The following SGCG variants were observed in gnomAD, a reference collection of about 807,000 sequenced individuals.
SGCG encodes the protein sarcoglycan gamma, also known as gamma-sarcoglycan.
SGCG carries 26 observed loss-of-function variants against 29.3 expected under a neutral mutation model. The ratio of observed to expected loss-of-function variants is 0.89; its 90% CI spans 0.65 to 1.23. The LOEUF is 1.23. SGCG is among the 50% of genes most tolerant of loss of function. SGCG has a pLI of 0.00. For synonymous variants in SGCG, 145 were observed against 129.7 expected (o/e 1.12, Z -0.80); for missense variants, 353 against 356.0 (o/e 0.99, Z 0.07).
intron 2 of SGCG, among the ~76,000 whole-genome samples, chr13:23,209,040 G>T (rs1212458933): frequency 6.6e-6 from 1 of 152,030 alleles, no homozygotes; most frequent in Non-Finnish European, 1.5e-5. Context: ...TATCATGAAG[G>T]TAAGATGAAT....
upstream of SGCG, among the ~76,000 whole-genome samples, chr13:23,179,707 C>T (rs1174853230): frequency 6.6e-6 from 1 of 152,096 alleles, no homozygotes; most frequent in Admixed American, 6.6e-5. Flanking sequence ...TTATTTGAAG[C>T]TGTATCAGCT....
In SGCG at chr13:23,295,539, G is replaced by T. The variant is rs373435856; in HGVS notation, c.578+52G>T. The stretch of plus-strand genomic sequence containing the variant: ...AACCTCTCCTGTAGAAGACAAGAGG[G>T]TATGTGCTGGAATAATGTTAGCAGT... On this transcript the variant is annotated intron_variant, in intron 6 of 7. Coordinates refer to ENST00000218867, the MANE Select transcript of SGCG (RefSeq NM_000231.3). 10 of 1,213,456 alleles carry T rather than the reference G, an allele frequency of 8.2e-6. No homozygotes were observed. The African/African-American group carries it at 8.9e-5, about 11-fold the overall frequency. The allele number at this position is 1,213,456 out of a possible 1,614,324, so 75.2% of individuals were successfully genotyped here.
chr13:23,303,771 A>G (rs1882263112), intron 6 of SGCG, among the ~76,000 whole-genome samples: 1 of 152,220 alleles, frequency 6.6e-6, no homozygotes, highest in Admixed American at 6.5e-5. Flanking sequence ...AGAGGAATCC[A>G]TGGGTGAAAA....
At chr13:23,168,759 A>G in the SGCG span, among the ~76,000 whole-genome samples, 2 of 152,240 alleles carry the variant, frequency 1.3e-5, no homozygotes, top group Non-Finnish European at 1.5e-5. Context: ...ATAATCATTG[A>G]TAACAATTAT....
the SGCG span, among the ~76,000 whole-genome samples, chr13:23,175,860 T>G: frequency 2.6e-5 from 4 of 152,252 alleles, no homozygotes; most frequent in East Asian, 7.7e-4. Flanking sequence ...CACTGTGTGA[T>G]TCCTATTGAT....
At chr13:23,248,620 G>C (rs187923200) in intron 3 of SGCG, among the ~76,000 whole-genome samples, 2,647 of 151,100 alleles carry the variant, frequency 0.018, 66 homozygotes, top group African/African-American at 0.061. Context: ...CGGGAACCCG[G>C]GAGGCGGAGC....
intron 6 of SGCG, among the ~76,000 whole-genome samples, chr13:23,298,479 TAGG>T (rs1389036457): frequency 6.6e-6 from 1 of 152,190 alleles, no homozygotes; most frequent in African/African-American, 2.4e-5. Flanking sequence ...CAAAAGCAAA[TAGG>T]AGTTCAATTT....
At position 23,275,841 on chromosome 13, in the gene SGCG, C is replaced by CT. The variant is rs1032758767; in HGVS notation, c.386-3511dup. Among the ~76,000 whole-genome samples the CT allele has an allele frequency of 7.1e-4, 108 of 152,338 alleles. 3 individuals carry two copies. In the South Asian group the frequency reaches 0.02, roughly 29 times the overall value. ...TTTGCAACAGCAGAATATACGTTTC[C>CT]TTTTTTTAAAAGGACTTTGCAATAT... On this transcript the variant is annotated intron_variant, in intron 4 of 7. Coordinates refer to ENST00000218867, the MANE Select transcript of SGCG (RefSeq NM_000231.3).
intron 7 of SGCG, 84 bp from the exon 8 acceptor site, chr13:23,324,284 T>C: frequency 2.3e-6 from 3 of 1,317,474 alleles, no homozygotes; most frequent in Admixed American, 1.7e-5. Flanking sequence ...AAGAAACTAA[T>C]TGGAAATCTT....
intron 6 of SGCG, among the ~76,000 whole-genome samples, chr13:23,308,384 T>C (rs554781677): frequency 6.6e-6 from 1 of 152,320 alleles, no homozygotes; most frequent in South Asian, 2.1e-4. Context: ...CGTAATGCTA[T>C]TTTTGTCATA....
intron 2 of SGCG, among the ~76,000 whole-genome samples, chr13:23,211,568 G>A (rs1465191993): frequency 6.6e-6 from 1 of 152,138 alleles, no homozygotes; most frequent in Non-Finnish European, 1.5e-5. Context: ...AGTTCTGCCT[G>A]TGGGAATTGG....
chr13:23,251,630 A>G (rs1879972058), intron 4 of SGCG, among the ~76,000 whole-genome samples: 1 of 152,064 alleles, frequency 6.6e-6, no homozygotes, highest in African/African-American at 2.4e-5. Context: ...AAAATTAGCC[A>G]GGTGTGGTGG....
chr13:23,188,299 C>A (rs1877074240), intron 1 of SGCG, among the ~76,000 whole-genome samples: 1 of 123,026 alleles, frequency 8.1e-6, no homozygotes, highest in Non-Finnish European at 1.7e-5. Context: ...CTGAACACAT[C>A]TTTTACTAAG....
intron 6 of SGCG, among the ~76,000 whole-genome samples, chr13:23,307,277 A>G (rs556258051): frequency 1.3e-5 from 2 of 152,314 alleles, no homozygotes; most frequent in Admixed American, 6.5e-5. Context: ...TATCTGAGTG[A>G]CATTAGTTAC....
intron 2 of SGCG, among the ~76,000 whole-genome samples, chr13:23,234,073 T>C (rs1468554302): frequency 6.6e-6 from 1 of 152,210 alleles, no homozygotes; most frequent in Non-Finnish European, 1.5e-5. Context: ...TTCATGACTG[T>C]AAACTCCTTG....
chr13:23,177,748 T>C (rs990394714), upstream of SGCG, among the ~76,000 whole-genome samples: 1 of 146,296 alleles, frequency 6.8e-6, no homozygotes, highest in Admixed American at 6.9e-5. Context: ...TTTTTTTTTT[T>C]CTGTATTTTT....
chr13:23,188,622 G>A (rs1196391762), intron 1 of SGCG, among the ~76,000 whole-genome samples: 1 of 151,726 alleles, frequency 6.6e-6, no homozygotes, highest in Non-Finnish European at 1.5e-5. Flanking sequence ...CCCAGCCTAA[G>A]AAGGCTTTTA....
At chr13:23,317,283 G>A (rs563051237) in intron 6 of SGCG, among the ~76,000 whole-genome samples, 7 of 152,314 alleles carry the variant, frequency 4.6e-5, no homozygotes, top group Admixed American at 3.9e-4. Context: ...GCATCTCTTA[G>A]TATTACCATG....
intron 5 of SGCG, among the ~76,000 whole-genome samples, chr13:23,281,219 G>C (rs1286199907): frequency 6.6e-6 from 1 of 151,772 alleles, no homozygotes; most frequent in Non-Finnish European, 1.5e-5. Flanking sequence ...GCGTGCCTGT[G>C]GTCCCAGCTA....
Sources: gnomAD v4.1 joint callset for allele counts (sites outside exome capture counted in the v4.1 genomes callset) on GRCh38, gnomAD v4.1.1 for gene constraint, MANE v1.5 for transcripts, NCBI Gene and HGNC (gene_info 2026-07-23, HGNC 2026-07-21) for gene names.